Variants in KCNH7 observed in about 807,000 individuals in gnomAD.
The protein encoded by KCNH7 is voltage-gated inwardly rectifying potassium channel KCNH7.
In KCNH7, 49 loss-of-function variants were observed where a neutral mutation model predicts 120.8. The ratio of observed to expected loss-of-function variants is 0.41; its 90% CI spans 0.32 to 0.51. KCNH7 has a LOEUF of 0.51. KCNH7 is among the 20% of genes least tolerant of loss of function. KCNH7 has a pLI of 0.38. For synonymous variants in KCNH7, 547 were observed against 516.1 expected, an observed-to-expected ratio of 1.06 and a Z score of -0.81; for missense variants, 1,097 against 1,446.6, an observed-to-expected ratio of 0.76 and a Z score of 3.92.
chr2:162,391,150 G>A (rs1001399969), intron 12 of KCNH7, among the ~76,000 whole-genome samples: 1 of 151,980 alleles, frequency 6.6e-6, no homozygotes, highest in Non-Finnish European at 1.5e-5. Flanking sequence ...ACTCTTGAAT[G>A]CCTGCCTTCA....
At chr2:162,636,973 T>A (rs1324613594) in intron 2 of KCNH7, among the ~76,000 whole-genome samples, 2 of 152,096 alleles carry the variant, frequency 1.3e-5, no homozygotes, top group African/African-American at 4.8e-5. Flanking sequence ...TCCCCACCAT[T>A]CTTTCAAACT....
At chr2:162,398,338 A>G (rs1029158369) in intron 10 of KCNH7, among the ~76,000 whole-genome samples, 7 of 151,920 alleles carry the variant, frequency 4.6e-5, no homozygotes, top group African/African-American at 1.7e-4. Flanking sequence ...AAAGGAATTC[A>G]ATAGTGAGAA....
At chr2:162,578,426 AC>A (rs975570840) in intron 2 of KCNH7, among the ~76,000 whole-genome samples, 2 of 151,992 alleles carry the variant, frequency 1.3e-5, no homozygotes, top group Non-Finnish European at 2.9e-5. Flanking sequence ...ATAGAGAGAA[AC>A]CGGTGACACA....
intron 6 of KCNH7, among the ~76,000 whole-genome samples, chr2:162,447,065 G>A (rs746272781): frequency 4.6e-5 from 7 of 151,904 alleles, no homozygotes; most frequent in Non-Finnish European, 1.0e-4. Context: ...TTGATATTCC[G>A]GGACAAATAC....
chr2:162,637,332 T>G (rs930737292), intron 2 of KCNH7, among the ~76,000 whole-genome samples: 2 of 152,102 alleles, frequency 1.3e-5, no homozygotes, highest in Admixed American at 6.6e-5. Context: ...TGTAGGTGTC[T>G]GCTTGGCAGA....
chr2:162,819,801 CTAA>C (rs1685044327), intron 2 of KCNH7, among the ~76,000 whole-genome samples: 1 of 152,128 alleles, frequency 6.6e-6, no homozygotes, highest in Admixed American at 6.5e-5. Flanking sequence ...CTATTCTTTT[CTAA>C]TAATATTCAC....
intron 2 of KCNH7, among the ~76,000 whole-genome samples, chr2:162,723,527 C>T (rs1031340435): frequency 6.6e-6 from 1 of 152,128 alleles, no homozygotes; most frequent in Non-Finnish European, 1.5e-5. Context: ...CAGGGGGCTA[C>T]CATATTATTT....
At position 162,597,495 on chromosome 2, in the gene KCNH7, T is replaced by C. The variant is rs539301820; in HGVS notation, c.308-60415A>G. ...TGTGGAATCTAAAAATTCAAACTTA[T>C]AGAAGTAGAGAGTAGAATGGTGCTT... On this transcript the variant is annotated intron_variant, in intron 2 of 15. Transcript: ENST00000332142. 5.4e-4 allele frequency among the ~76,000 whole-genome samples: 82 copies of C among 152,164 alleles called. 2 individuals are homozygous for C. In the South Asian group the frequency reaches 0.015, roughly 27 times the overall value.
intron 2 of KCNH7, among the ~76,000 whole-genome samples, chr2:162,766,270 G>A (rs1559123148): frequency 6.6e-6 from 1 of 152,058 alleles, no homozygotes; most frequent in Admixed American, 6.6e-5. Context: ...GCACTAGTCA[G>A]CGTTGCTCAC....
At chr2:162,540,289 A>G (rs1206867607) in intron 2 of KCNH7, among the ~76,000 whole-genome samples, 1 of 152,130 alleles carries the variant, frequency 6.6e-6, no homozygotes, top group Non-Finnish European at 1.5e-5. Flanking sequence ...ACTACAGTTC[A>G]TATCCACATT....
At chr2:162,806,695 T>C (rs1463610674) in intron 2 of KCNH7, among the ~76,000 whole-genome samples, 2 of 152,188 alleles carry the variant, frequency 1.3e-5, no homozygotes, top group Non-Finnish European at 2.9e-5. Flanking sequence ...CTGGCAATGA[T>C]AACTCAGTAT....
intron 13 of KCNH7, 112 bp from the exon 14 acceptor site, chr2:162,380,133 A>C: frequency 7.8e-7 from 1 of 1,274,904 alleles, no homozygotes. Context: ...CCTGAGAGAC[A>C]GAGAACCAAA....
At chr2:162,441,758 T>A (rs1300530390) in intron 7 of KCNH7, among the ~76,000 whole-genome samples, 2 of 151,986 alleles carry the variant, frequency 1.3e-5, no homozygotes, top group East Asian at 1.9e-4. Flanking sequence ...ACAGAAAAAA[T>A]TTGCCAATGA....
chr2:162,817,685 CA>C (rs1684963812), intron 2 of KCNH7, among the ~76,000 whole-genome samples: 1 of 152,116 alleles, frequency 6.6e-6, no homozygotes. Flanking sequence ...ACTGGCAATA[CA>C]TGAGTCTCCG....
chr2:162,776,684 TC>T (rs1257626066), intron 2 of KCNH7, among the ~76,000 whole-genome samples: 1 of 152,138 alleles, frequency 6.6e-6, no homozygotes, highest in Non-Finnish European at 1.5e-5. Flanking sequence ...TAATTTCCCT[TC>T]CAGGGGACCT....
chr2:162,376,459 G>A (rs928182678), intron 14 of KCNH7, among the ~76,000 whole-genome samples: 7 of 150,808 alleles, frequency 4.6e-5, no homozygotes, highest in East Asian at 4.0e-4. Context: ...TCTTTCTCCC[G>A]GGTTCAAGCA....
At chr2:162,387,060 G>T (rs1470342578) in intron 12 of KCNH7, among the ~76,000 whole-genome samples, 1 of 150,710 alleles carries the variant, frequency 6.6e-6, no homozygotes, top group Non-Finnish European at 1.5e-5. Flanking sequence ...GGTAAAAGCA[G>T]AATCAGGTAA....
rs534529364 is a variant in KCNH7, at chr2:162,415,817, G to C, written c.2154+7519C>G. On this transcript the variant is annotated intron_variant, in intron 9 of 15. Coordinates refer to ENST00000332142, the MANE Select transcript of KCNH7 (RefSeq NM_033272.4). The stretch of plus-strand genomic sequence containing the variant: ...GTTATTCTCATATTTAGAAAGCATG[G>C]GATATAAATGTTATGTAACCTAGTC... Among the ~76,000 whole-genome samples the C allele has an allele frequency of 3.3e-5, 5 of 152,210 alleles. No homozygotes were observed. In the South Asian group the frequency reaches 1.0e-3, roughly 32 times the overall value.
At chr2:162,505,104 C>T (rs905929168) in intron 5 of KCNH7, among the ~76,000 whole-genome samples, 3 of 151,936 alleles carry the variant, frequency 2.0e-5, no homozygotes, top group African/African-American at 7.2e-5. Flanking sequence ...TTGTGTTACT[C>T]CCCTGTCTGT....
Sources: allele counts gnomAD v4.1 joint callset (sites outside exome capture counted in the v4.1 genomes callset), GRCh38; gene constraint gnomAD v4.1.1; transcripts MANE v1.5; gene names NCBI Gene and HGNC (gene_info 2026-07-23, HGNC 2026-07-21).